GNG12: variants seen among roughly 807,000 people sequenced by gnomAD.
GNG12 encodes the protein G protein subunit gamma 12.
For missense variants in GNG12, 69 were observed against 83.8 expected (o/e 0.82, Z 0.69); for synonymous variants, 28 against 29.7 (o/e 0.94, Z 0.19).
chr1:67,766,484 C>G (rs548478457), intron 2 of GNG12, among the ~76,000 whole-genome samples: 1 of 152,102 alleles, frequency 6.6e-6, no homozygotes, highest in South Asian at 2.1e-4. Context: ...GTGATTACGG[C>G]GGAGCATAAG....
chr1:67,726,901 C>A (rs1487330148), intron 2 of GNG12, among the ~76,000 whole-genome samples: 1 of 152,162 alleles, frequency 6.6e-6, no homozygotes, highest in Non-Finnish European at 1.5e-5. Flanking sequence ...AGGCTACCCA[C>A]TACCTTTGGT....
chr1:67,756,741 T>A (rs892060979), intron 2 of GNG12, among the ~76,000 whole-genome samples: 8 of 152,190 alleles, frequency 5.3e-5, no homozygotes, highest in African/African-American at 1.9e-4. Flanking sequence ...TGTGATCTAG[T>A]TCAAGGGGTC....
chr1:67,778,490 G>A (rs1293580512), intron 1 of GNG12, among the ~76,000 whole-genome samples: 1 of 152,106 alleles, frequency 6.6e-6, no homozygotes, highest in African/African-American at 2.4e-5. Flanking sequence ...TCTATCATTA[G>A]TCCCATTTCA....
At chr1:67,807,738 G>A (rs1382257018) in intron 1 of GNG12, among the ~76,000 whole-genome samples, 1 of 152,034 alleles carries the variant, frequency 6.6e-6, no homozygotes, top group East Asian at 1.9e-4. Flanking sequence ...CTCCTTGAAA[G>A]ATACAATCTG....
At chr1:67,790,723 C>T (rs1646797515) in intron 1 of GNG12, among the ~76,000 whole-genome samples, 1 of 151,986 alleles carries the variant, frequency 6.6e-6, no homozygotes, top group African/African-American at 2.4e-5. Flanking sequence ...AATTCTCCTG[C>T]CTCAGCCTCC....
At chr1:67,773,634 A>G (rs1369495503) in intron 2 of GNG12, among the ~76,000 whole-genome samples, 3 of 152,230 alleles carry the variant, frequency 2.0e-5, no homozygotes, top group African/African-American at 7.2e-5. Context: ...TGCAGGGTCA[A>G]TGTAAATTCT....
chr1:67,775,152 T>C (rs1181761382), intron 2 of GNG12, among the ~76,000 whole-genome samples: 1 of 152,258 alleles, frequency 6.6e-6, no homozygotes, highest in African/African-American at 2.4e-5. Context: ...ATTTTAATCA[T>C]ATTTATGATT....
chr1:67,806,256 TG>T (rs1484230457), intron 1 of GNG12, among the ~76,000 whole-genome samples: 1 of 152,166 alleles, frequency 6.6e-6, no homozygotes, highest in Admixed American at 6.6e-5. Context: ...GAATTTTAAT[TG>T]ATTTAACAGA....
At chr1:67,785,734 C>G (rs981416485) in intron 1 of GNG12, among the ~76,000 whole-genome samples, 3 of 152,202 alleles carry the variant, frequency 2.0e-5, no homozygotes, top group Non-Finnish European at 4.4e-5. Flanking sequence ...CTTTGGCAAG[C>G]ATACTATCAT....
chr1:67,822,629 A>C (rs1304269158), intron 1 of GNG12, among the ~76,000 whole-genome samples: 1 of 152,180 alleles, frequency 6.6e-6, no homozygotes, highest in Non-Finnish European at 1.5e-5. Flanking sequence ...CTGGAAGATA[A>C]AATTTTTCCT....
chr1:67,818,413 G>GTTT (rs1163831257), intron 1 of GNG12, among the ~76,000 whole-genome samples: 2,972 of 83,844 alleles, frequency 0.035, 227 homozygotes, highest in African/African-American at 0.081. Context: ...AAGACCAGGG[G>GTTT]TTTTTTTTTT....
chr1:67,758,984 G>C (rs1157604793), intron 2 of GNG12, among the ~76,000 whole-genome samples: 1 of 152,122 alleles, frequency 6.6e-6, no homozygotes, highest in African/African-American at 2.4e-5. Flanking sequence ...AGAAAAATTA[G>C]AGTCAACAAC....
intron 2 of GNG12, among the ~76,000 whole-genome samples, chr1:67,718,867 A>C (rs1401121954): frequency 6.6e-6 from 1 of 152,196 alleles, no homozygotes; most frequent in Non-Finnish European, 1.5e-5. Flanking sequence ...CCATAATAAA[A>C]ATCCTAATAA....
At chr1:67,824,280 C>T (rs557431666) in intron 1 of GNG12, among the ~76,000 whole-genome samples, 100 of 152,038 alleles carry the variant, frequency 6.6e-4, no homozygotes, top group African/African-American at 2.3e-3. Flanking sequence ...GAGGCTGAGG[C>T]TGGCAGATTG....
intron 2 of GNG12, among the ~76,000 whole-genome samples, chr1:67,711,178 G>C (rs778261633): frequency 6.6e-6 from 1 of 152,210 alleles, no homozygotes. Flanking sequence ...AACTTTCTAT[G>C]AATATTGTAT....
chr1:67,796,158 T>C (rs1299806922), intron 1 of GNG12, among the ~76,000 whole-genome samples: 1 of 152,232 alleles, frequency 6.6e-6, no homozygotes, highest in Non-Finnish European at 1.5e-5. Context: ...GACATCCATT[T>C]ATTTGGCAGG....
At chr1:67,815,783 G>A (rs1019779147) in intron 1 of GNG12, among the ~76,000 whole-genome samples, 2 of 152,088 alleles carry the variant, frequency 1.3e-5, no homozygotes, top group African/African-American at 4.8e-5. Flanking sequence ...CACAGACTCC[G>A]TAACTAGATG....
intron 2 of GNG12, among the ~76,000 whole-genome samples, chr1:67,758,724 A>C (rs1433043150): frequency 6.6e-6 from 1 of 152,246 alleles, no homozygotes; most frequent in Non-Finnish European, 1.5e-5. Context: ...AAATCAGCTA[A>C]GATGCTCCCT....
At chr1:67,819,195 A>C (rs1294087113) in intron 1 of GNG12, among the ~76,000 whole-genome samples, 1 of 151,914 alleles carries the variant, frequency 6.6e-6, no homozygotes, top group Non-Finnish European at 1.5e-5. Context: ...AGCTAGGGAG[A>C]GATGAAGGGG....
Sources: gnomAD v4.1 joint callset for allele counts (sites outside exome capture counted in the v4.1 genomes callset) on GRCh38, gnomAD v4.1.1 for gene constraint, MANE v1.5 for transcripts, NCBI Gene and HGNC (gene_info 2026-07-23, HGNC 2026-07-21) for gene names.